DCBLD2: variants seen among roughly 807,000 people sequenced by gnomAD.
The protein encoded by DCBLD2 is discoidin, CUB and LCCL domain-containing protein 2.
DCBLD2 carries 54 observed loss-of-function variants against 86.8 expected under a neutral mutation model. The ratio of observed to expected loss-of-function variants is 0.62; its 90% CI spans 0.50 to 0.78. The LOEUF is 0.78. Among genes scored for constraint, DCBLD2 ranks in the 30% least tolerant of loss-of-function variants. DCBLD2 has a pLI of 0.00. For synonymous variants in DCBLD2, 354 were observed against 341.3 expected, an observed-to-expected ratio of 1.04 and a Z score of -0.41; for missense variants, 908 against 954.2, an observed-to-expected ratio of 0.95 and a Z score of 0.64.
intron 2 of DCBLD2, among the ~76,000 whole-genome samples, chr3:98,879,389 C>CT (rs1251842340): frequency 6.6e-6 from 1 of 152,016 alleles, no homozygotes; most frequent in Non-Finnish European, 1.5e-5. Flanking sequence ...CTCTGATAAT[C>CT]TTTTTTTCTT....
chr3:98,884,415 A>AC (rs1491228218), intron 1 of DCBLD2, among the ~76,000 whole-genome samples: 1 of 151,988 alleles, frequency 6.6e-6, no homozygotes, highest in African/African-American at 2.4e-5. Context: ...AAAAAAAAAA[A>AC]ACCACAAATT....
chr3:98,850,963 T>C (rs1942825289), intron 2 of DCBLD2, among the ~76,000 whole-genome samples: 2 of 152,186 alleles, frequency 1.3e-5, no homozygotes, highest in Admixed American at 6.5e-5. Flanking sequence ...ATAAGAACTA[T>C]TTATGACAAA....
At chr3:98,899,291 G>C (rs1182682532) in intron 1 of DCBLD2, among the ~76,000 whole-genome samples, 5 of 129,020 alleles carry the variant, frequency 3.9e-5, no homozygotes, top group Non-Finnish European at 6.2e-5. Flanking sequence ...AGACAGTCTC[G>C]CTCTGTCGCC....
In DCBLD2 at chr3:98,808,077, T is replaced by G; in HGVS notation, c.1670+4A>C. 4 of 1,588,122 alleles carry G rather than the reference T, an allele frequency of 2.5e-6. No homozygotes were observed. The highest frequency in any genetic ancestry group is 3.4e-6 in the Non-Finnish European group (4 of 1,169,002). On this transcript the variant is annotated splice_donor_region_variant and intron_variant, in intron 13 of 15. Coordinates refer to ENST00000326840, the MANE Select transcript of DCBLD2 (RefSeq NM_080927.4). ...GGACTCAGGTGAACTAGTTATGTAC[T>G]AACCTGTTTCTCCAGTGCCAAGCAC...
At chr3:98,849,634 C>T (rs369930598) in intron 2 of DCBLD2, 36 bp from the exon 3 acceptor site, 8 of 1,594,726 alleles carry the variant, frequency 5.0e-6, no homozygotes, top group Non-Finnish European at 6.0e-6. Flanking sequence ...TTTGGGATGA[C>T]TCTCATGAAG....
Position 98,795,948 on chromosome 3 carries a change from A to AAAAT in DCBLD2, c.*3420_*3423dup, listed in dbSNP as rs1323832075. The AAAAT allele has an allele frequency of 6.6e-6, 1 of 152,652 alleles. No individual in the cohort carries two copies. Among genetic ancestry groups the AAAAT allele is most frequent in the Non-Finnish European group, 1.5e-5 (1 of 68,038 alleles). 9.5% of individuals were successfully genotyped at this position (152,652 alleles called of 1,614,324 possible). On this transcript the variant is annotated 3_prime_UTR_variant, in exon 16 of 16. Transcript: ENST00000326840. ...ATATTGGCCATAAATTAGTGAGGTT[A>AAAAT]AAATAGAAGAATCTGGCATTTTATA...
intron 13 of DCBLD2, among the ~76,000 whole-genome samples, chr3:98,804,245 G>A (rs1320934786): frequency 2.0e-5 from 3 of 151,668 alleles, no homozygotes; most frequent in Non-Finnish European, 4.4e-5. Flanking sequence ...GTCTATTCAG[G>A]GATTCAACTT....
chr3:98,832,752 AAT>A (rs1224130625), intron 3 of DCBLD2, among the ~76,000 whole-genome samples: 1 of 152,190 alleles, frequency 6.6e-6, no homozygotes, highest in Non-Finnish European at 1.5e-5. Context: ...AAGAATGTCA[AAT>A]ATAGGTCCCC....
At chr3:98,830,214 T>C (rs1270810386) in intron 3 of DCBLD2, among the ~76,000 whole-genome samples, 1 of 152,254 alleles carries the variant, frequency 6.6e-6, no homozygotes, top group Non-Finnish European at 1.5e-5. Flanking sequence ...GATAGTTTCT[T>C]TTGCTGTACA....
At chr3:98,862,330 A>G (rs1943059011) in intron 2 of DCBLD2, among the ~76,000 whole-genome samples, 1 of 152,238 alleles carries the variant, frequency 6.6e-6, no homozygotes. Flanking sequence ...AAGTATTCCA[A>G]TCAATAGAAA....
intron 4 of DCBLD2, among the ~76,000 whole-genome samples, chr3:98,824,406 C>T (rs1942178955): frequency 6.6e-6 from 1 of 152,128 alleles, no homozygotes; most frequent in Non-Finnish European, 1.5e-5. Flanking sequence ...GCAGCTGACC[C>T]TCTGCCAGGG....
intron 1 of DCBLD2, among the ~76,000 whole-genome samples, chr3:98,897,145 TG>T (rs1249985635): frequency 6.6e-6 from 1 of 152,208 alleles, no homozygotes; most frequent in Non-Finnish European, 1.5e-5. Flanking sequence ...TTTACATGTT[TG>T]TCTTTAAAAT....
chr3:98,861,526 C>T (rs922256586), intron 2 of DCBLD2, among the ~76,000 whole-genome samples: 1 of 152,216 alleles, frequency 6.6e-6, no homozygotes, highest in Non-Finnish European at 1.5e-5. Flanking sequence ...AACAAACTGT[C>T]TCTCAGACCA....
rs946193233 is a variant in DCBLD2, at chr3:98,797,727, C to T, written c.*1645G>A. 1 of 152,152 alleles carries T rather than the reference C, an allele frequency of 6.6e-6. No homozygotes were observed. The highest frequency in any genetic ancestry group is 2.4e-5 in the African/African-American group (1 of 41,420). The allele number at this position is 152,152 out of a possible 1,614,324, so 9.4% of individuals were successfully genotyped here. A position where few individuals can be genotyped will look rare whatever the true frequency, so the allele number is the denominator to read the frequency against. On this transcript the variant is annotated 3_prime_UTR_variant, in exon 16 of 16. Transcript: ENST00000326840. ...GAAGCCTGCAGAAATAAACAGTTCT[C>T]TTTCTGAAGCGATGTTTTAGAATAC...
At chr3:98,873,008 G>C (rs546474281) in intron 2 of DCBLD2, among the ~76,000 whole-genome samples, 1 of 152,212 alleles carries the variant, frequency 6.6e-6, no homozygotes, top group East Asian at 1.9e-4. Flanking sequence ...AAAATAAAGT[G>C]ATGGGCACAG....
chr3:98,796,257 C>T lies in DCBLD2; in HGVS notation c.*3115G>A, dbSNP rs1478888595. ...AGTGCCACACACACACACACAAAAACAAAACAAAACAAAAAAAAACAGTCA... is the reference window on the plus strand; with the variant it reads ...AGTGCCACACACACACACACAAAAATAAAACAAAACAAAAAAAAACAGTCA... On this transcript the variant is annotated 3_prime_UTR_variant, in exon 16 of 16. Coordinates refer to ENST00000326840, the MANE Select transcript of DCBLD2 (RefSeq NM_080927.4). 1.3e-5 allele frequency: 2 copies of T among 150,636 alleles called. No homozygotes were observed. The highest frequency in any genetic ancestry group is 6.6e-5 in the Admixed American group (1 of 15,080). The allele number at this position is 150,636 out of a possible 1,614,324, so 9.3% of individuals were successfully genotyped here. A position where few individuals can be genotyped will look rare whatever the true frequency, so the allele number is the denominator to read the frequency against.
intron 3 of DCBLD2, among the ~76,000 whole-genome samples, chr3:98,842,599 T>C (rs1942640568): frequency 6.6e-6 from 1 of 152,198 alleles, no homozygotes; most frequent in Non-Finnish European, 1.5e-5. Context: ...TATAACAATG[T>C]CATCTATGAA....
intron 9 of DCBLD2, among the ~76,000 whole-genome samples, chr3:98,817,568 C>A (rs891207362): frequency 5.3e-5 from 8 of 152,240 alleles, no homozygotes; most frequent in Admixed American, 2.6e-4. Flanking sequence ...CTCACCGTTA[C>A]AATCACCAAA....
chr3:98,811,268 A>C lies in DCBLD2; in HGVS notation c.1502T>G (p.Phe501Cys), dbSNP rs1444078956. ...AGTTGTTTGTTCTGTCTGTGCAGGA[A>C]ATTCATTGCTACTGCGAGGTTGTAG... ...QPLQPRSSNE[F>C]PAQTEQTTAS... Residue 501 changes from phenylalanine (F) to cysteine (C), a missense_variant, in exon 12 of 16, where the codon TTT becomes TGT. Phe to Cys is a radical substitution (Grantham distance 205). Transcript: ENST00000326840. 1.2e-6 allele frequency: 2 copies of C among 1,613,036 alleles called. No homozygotes were observed. Among genetic ancestry groups the C allele is most frequent in the Middle Eastern group, 1.7e-4 (1 of 6,058 alleles).
Sources: allele counts gnomAD v4.1 joint callset (sites outside exome capture counted in the v4.1 genomes callset), GRCh38; gene constraint gnomAD v4.1.1; transcripts MANE v1.5; gene names NCBI Gene and HGNC (gene_info 2026-07-23, HGNC 2026-07-21).